The following BICRAL variants were observed in gnomAD, a reference collection of about 807,000 sequenced individuals.
BICRAL encodes BRD4-interacting chromatin-remodeling complex-associated protein-like.
Under a neutral mutation model 91.8 loss-of-function variants are expected in BICRAL, and 8 were observed. The ratio of observed to expected loss-of-function variants is 0.09; its 90% CI spans 0.05 to 0.16. The LOEUF (loss-of-function observed/expected upper bound fraction) is 0.16, where lower values mean the gene tolerates loss of function less well. Among genes scored for constraint, BICRAL ranks in the 10% least tolerant of loss-of-function variants. BICRAL has a pLI of 1.00. For synonymous variants in BICRAL, 445 were observed against 491.1 expected (o/e 0.91, Z 1.24); for missense variants, 1,038 against 1,310.9 (o/e 0.79, Z 3.21).
intron 6 of BICRAL, among the ~76,000 whole-genome samples, chr6:42,850,614 G>A (rs1582872290): frequency 6.6e-6 from 1 of 151,826 alleles, no homozygotes; most frequent in African/African-American, 2.4e-5. Context: ...GGTAGGGCAC[G>A]GTGGCTCACG....
intron 1 of BICRAL, among the ~76,000 whole-genome samples, chr6:42,776,457 C>G (rs575435367): frequency 1.2e-4 from 19 of 152,054 alleles, no homozygotes; most frequent in Non-Finnish European, 2.6e-4. Flanking sequence ...AAGTGATCCT[C>G]CCACCCCAGC....
rs940769356 is a variant in BICRAL at position 42,774,734 on chromosome 6, G to C, written c.-260-7105G>C. Among the ~76,000 whole-genome samples, 5 of 152,062 alleles carry C rather than the reference G, an allele frequency of 3.3e-5. No homozygotes were observed. The East Asian group carries it at 9.6e-4, about 29-fold the overall frequency. ...GAAAGAAAGAATTATATGGTCTAAG[G>C]GTATTTAATCAGGCTCTAAAAAGTG... On this transcript the variant is annotated intron_variant, in intron 1 of 14. Transcript: ENST00000614467.
At chr6:42,761,828 G>A (rs1192566790) in intron 1 of BICRAL, among the ~76,000 whole-genome samples, 1 of 151,616 alleles carries the variant, frequency 6.6e-6, no homozygotes, top group Non-Finnish European at 1.5e-5. Context: ...ATCGGAGGAT[G>A]ACTTGAGCCC....
At chr6:42,782,889 C>T (rs1453527529) in intron 1 of BICRAL, among the ~76,000 whole-genome samples, 1 of 151,856 alleles carries the variant, frequency 6.6e-6, no homozygotes, top group Non-Finnish European at 1.5e-5. Context: ...CTCTGTTTTC[C>T]CCCCCTCGTT....
upstream of BICRAL, among the ~76,000 whole-genome samples, chr6:42,777,669 T>C (rs1762824791): frequency 6.6e-6 from 1 of 152,160 alleles, no homozygotes; most frequent in Non-Finnish European, 1.5e-5. Flanking sequence ...AGGGGAACAT[T>C]TGGAGGGAAA....
intron 2 of BICRAL, among the ~76,000 whole-genome samples, chr6:42,817,150 G>A (rs1325116278): frequency 4.4e-5 from 2 of 45,956 alleles, no homozygotes; most frequent in Non-Finnish European, 8.0e-5. Context: ...TCATTTATAT[G>A]TGTGTGTGTG....
At chr6:42,755,755 C>T (rs1317378032) in intron 1 of BICRAL, among the ~76,000 whole-genome samples, 3 of 151,758 alleles carry the variant, frequency 2.0e-5, no homozygotes, top group Non-Finnish European at 4.4e-5. Flanking sequence ...CTGCAACCTC[C>T]GCCTCCTGGG....
chr6:42,852,435 G>A (rs567075492), intron 7 of BICRAL: 11 of 621,078 alleles, frequency 1.8e-5, no homozygotes, highest in Non-Finnish European at 3.3e-5. Context: ...GCCAAGGAGA[G>A]TGGATCACCT....
rs70990145 is a variant in BICRAL at position 42,814,519 on chromosome 6, ATT to A, written c.-6+4138_-6+4139del. Among the ~76,000 whole-genome samples, 386 of 80,120 alleles carry A rather than the reference ATT, an allele frequency of 4.8e-3. 4 individuals are homozygous for A. The highest frequency in any genetic ancestry group is 9.9e-3 in the African/African-American group (151 of 15,194). The allele number at this position is 80,120 out of a possible 152,430, so 52.6% of individuals were successfully genotyped here. A position where few individuals can be genotyped will look rare whatever the true frequency, so the allele number is the denominator to read the frequency against. On this transcript the variant is annotated intron_variant, in intron 2 of 12. Coordinates refer to ENST00000314073, the MANE Select transcript of BICRAL (RefSeq NM_001393499.1). Reference sequence around the variant, plus strand: ...TGTGTGTATATATATATATATATATATTTTTTTTTTTTTTTTTTTTTAGATGA... The same window carrying A: ...TGTGTGTATATATATATATATATATATTTTTTTTTTTTTTTTTTTAGATGA...
chr6:42,762,860 G>A (rs778084146), intron 1 of BICRAL, among the ~76,000 whole-genome samples: 12 of 151,776 alleles, frequency 7.9e-5, no homozygotes, highest in Non-Finnish European at 1.2e-4. Flanking sequence ...CTGGGAGGTC[G>A]AGGCTGCTGT....
At chr6:42,783,671 A>AG in intron 1 of BICRAL, among the ~76,000 whole-genome samples, 1 of 152,176 alleles carries the variant, frequency 6.6e-6, no homozygotes, top group Non-Finnish European at 1.5e-5. Flanking sequence ...CAGACCCAAA[A>AG]GACGAGGCCG....
chr6:42,793,296 ATTTTTTTTT>A (rs35332872), intron 1 of BICRAL, among the ~76,000 whole-genome samples: 18 of 22,974 alleles, frequency 7.8e-4, no homozygotes, highest in African/African-American at 2.5e-3. Context: ...GACCCAGCTA[ATTTTTTTTT>A]TTTTTTTTTT....
intron 1 of BICRAL, among the ~76,000 whole-genome samples, chr6:42,784,075 G>A (rs1408809180): frequency 6.6e-6 from 1 of 152,210 alleles, no homozygotes; most frequent in African/African-American, 2.4e-5. Context: ...ACCCTGAGGA[G>A]ACATTTACTA....
chr6:42,821,847 C>G (rs1371917145), intron 2 of BICRAL, among the ~76,000 whole-genome samples, 171 bp from the exon 3 acceptor site: 1 of 152,158 alleles, frequency 6.6e-6, no homozygotes, highest in Non-Finnish European at 1.5e-5. Context: ...TACTTTATCT[C>G]TCAAATGACC....
chr6:42,843,441 T>A (rs535219652), intron 6 of BICRAL, among the ~76,000 whole-genome samples: 1 of 152,270 alleles, frequency 6.6e-6, no homozygotes, highest in South Asian at 2.1e-4. Context: ...AGGTCTTGGA[T>A]GCCATGATAA....
chr6:42,815,597 CTG>C (rs1341224673), intron 2 of BICRAL, among the ~76,000 whole-genome samples: 1 of 152,076 alleles, frequency 6.6e-6, no homozygotes, highest in African/African-American at 2.4e-5. Context: ...TTTTCTCCCT[CTG>C]TGTGGAAAAA....
At chr6:42,749,681 A>G (rs1241404088) in intron 1 of BICRAL, among the ~76,000 whole-genome samples, 1 of 151,892 alleles carries the variant, frequency 6.6e-6, no homozygotes, top group Non-Finnish European at 1.5e-5. Context: ...TATCAATAAA[A>G]ATAATAATAA....
chr6:42,766,276 T>C (rs1207337133), intron 1 of BICRAL, among the ~76,000 whole-genome samples: 2 of 152,196 alleles, frequency 1.3e-5, no homozygotes, highest in East Asian at 3.8e-4. Context: ...TTTCCACAAA[T>C]CTTGGGGGTA....
intron 1 of BICRAL, among the ~76,000 whole-genome samples, chr6:42,803,391 A>G (rs1429440354): frequency 6.6e-6 from 1 of 152,142 alleles, no homozygotes; most frequent in Non-Finnish European, 1.5e-5. Context: ...GGCTTGATAG[A>G]TGCCTGGCTG....
Sources: gnomAD v4.1 joint callset for allele counts (sites outside exome capture counted in the v4.1 genomes callset) on GRCh38, gnomAD v4.1.1 for gene constraint, MANE v1.5 for transcripts, NCBI Gene and HGNC (gene_info 2026-07-23, HGNC 2026-07-21) for gene names.